The following SESTD1 variants were observed in gnomAD, a reference collection of about 807,000 sequenced individuals.
The protein encoded by SESTD1 is SEC14 and spectrin domain containing 1.
Under a neutral mutation model 101.7 loss-of-function variants are expected in SESTD1, and 43 were observed. The observed-to-expected ratio is 0.42, with a 90% CI of 0.33 to 0.55. SESTD1 has a LOEUF of 0.55. Ranked by LOEUF, SESTD1 falls within the 20% of genes least tolerant of loss-of-function variation. SESTD1 has a pLI of 0.07. For synonymous variants in SESTD1, 283 were observed against 286.8 expected (o/e 0.99, Z 0.13); for missense variants, 647 against 815.1 (o/e 0.79, Z 2.51).
intron 10 of SESTD1, among the ~76,000 whole-genome samples, chr2:179,131,765 T>A (rs1228807113): frequency 6.6e-6 from 1 of 152,202 alleles, no homozygotes; most frequent in Non-Finnish European, 1.5e-5. Context: ...AAGAATCTAT[T>A]TATTTCCCAA....
rs866805748 is a variant in SESTD1 at position 179,113,161 on chromosome 2, A to G, written c.1840-316T>C. ...GACTACTATTTGGAAAATAAGTTCAATCTGTCCTTAAGAAGTATTCTTTCA... is the reference window on the plus strand; with the variant it reads ...GACTACTATTTGGAAAATAAGTTCAGTCTGTCCTTAAGAAGTATTCTTTCA... On this transcript the variant is annotated intron_variant, in intron 16 of 17. Coordinates refer to ENST00000428443, the MANE Select transcript of SESTD1 (RefSeq NM_178123.5). 2.6e-5 allele frequency among the ~76,000 whole-genome samples: 4 copies of G among 152,236 alleles called. No individual in the cohort carries two copies. The South Asian group carries it at 8.3e-4, about 31-fold the overall frequency.
At chr2:179,152,179 C>G (rs140801426) in intron 5 of SESTD1, among the ~76,000 whole-genome samples, 119 of 152,156 alleles carry the variant, frequency 7.8e-4, no homozygotes, top group Middle Eastern at 3.4e-3. Context: ...ATGTGTCTGG[C>G]TGGAAAGAGC....
chr2:179,178,260 A>G (rs2046045936), intron 3 of SESTD1, among the ~76,000 whole-genome samples: 1 of 152,226 alleles, frequency 6.6e-6, no homozygotes, highest in Admixed American at 6.5e-5. Flanking sequence ...TAAAGGATCC[A>G]CTAAATATTC....
rs1385986661 is a variant in SESTD1 at position 179,200,795 on chromosome 2, A to G, written c.-25-8929T>C. On this transcript the variant is annotated intron_variant, in intron 1 of 17. Transcript: ENST00000428443. ...TTCAAGATGGATTAAAGACTTAAAC[A>G]TTAGACTGAAAACCATAAAAACCCT... Among the ~76,000 whole-genome samples the G allele has an allele frequency of 1.5e-5, 2 of 134,958 alleles. 1 individual carries two copies. 88.5% of individuals were successfully genotyped at this position (134,958 alleles called of 152,430 possible).
intron 11 of SESTD1, 40 bp downstream of exon 11, chr2:179,124,324 A>G: frequency 1.3e-6 from 2 of 1,573,776 alleles, no homozygotes; most frequent in Non-Finnish European, 1.7e-6. Context: ...AAGTGTTCAG[A>G]TAATTTGAAG....
At chr2:179,220,540 C>T (rs116264380) in intron 1 of SESTD1, among the ~76,000 whole-genome samples, 5 of 152,242 alleles carry the variant, frequency 3.3e-5, no homozygotes, top group African/African-American at 1.2e-4. Flanking sequence ...GAGCTCTCTA[C>T]CTGTACATTT....
In SESTD1 at chr2:179,116,805, A is replaced by C; in HGVS notation, c.1525-15T>G. ...CATTCTACTGCCTAAACAAAAAGACATAACAATGAAGCTGGATTCAGAACT... is the reference window on the plus strand; with the variant it reads ...CATTCTACTGCCTAAACAAAAAGACCTAACAATGAAGCTGGATTCAGAACT... On this transcript the variant is annotated splice_polypyrimidine_tract_variant and intron_variant, in intron 14 of 17. Coordinates refer to ENST00000428443, the MANE Select transcript of SESTD1 (RefSeq NM_178123.5). 1.2e-6 allele frequency: 2 copies of C among 1,610,388 alleles called. No homozygotes were observed. Among genetic ancestry groups the C allele is most frequent in the Non-Finnish European group, 1.7e-6 (2 of 1,177,322 alleles).
At chr2:179,112,976 T>C in intron 16 of SESTD1, 131 bp from the exon 17 acceptor site, 1 of 1,270,050 alleles carries the variant, frequency 7.9e-7, no homozygotes. Context: ...CATACAAATT[T>C]GGTAGATTAA....
At chr2:179,123,875 T>C (rs1559100552) in intron 11 of SESTD1, 46 bp from the exon 12 acceptor site, 2 of 1,393,524 alleles carry the variant, frequency 1.4e-6, no homozygotes, top group Middle Eastern at 1.8e-4. Context: ...GTAATCAGCA[T>C]CTAAAGTGTT....
At chr2:179,241,768 A>C (rs1277862093) in intron 1 of SESTD1, among the ~76,000 whole-genome samples, 1 of 152,040 alleles carries the variant, frequency 6.6e-6, no homozygotes, top group African/African-American at 2.4e-5. Context: ...TAAAAATACA[A>C]AAAATTAGTC....
intron 5 of SESTD1, among the ~76,000 whole-genome samples, chr2:179,165,992 C>A (rs970071573): frequency 6.6e-6 from 1 of 152,160 alleles, no homozygotes; most frequent in African/African-American, 2.4e-5. Context: ...AACCAATTAA[C>A]CTGGAATCTA....
intron 2 of SESTD1, among the ~76,000 whole-genome samples, chr2:179,187,963 T>C (rs942315586): frequency 1.1e-4 from 16 of 152,130 alleles, no homozygotes; most frequent in African/African-American, 3.9e-4. Flanking sequence ...ACAAGATGAA[T>C]TAGACAGCCA....
intron 10 of SESTD1, among the ~76,000 whole-genome samples, chr2:179,125,621 A>G (rs371186841): frequency 1.3e-5 from 2 of 152,222 alleles, no homozygotes; most frequent in African/African-American, 4.8e-5. Context: ...CATCATGCTT[A>G]TAAACTACAA....
chr2:179,105,593 G>C lies in SESTD1; in HGVS notation c.*4306C>G, dbSNP rs2044364655. ...ATATGCCATTTCCTCACCATCCCAT[G>C]CTTGTCATGTGAGACAACAGAAAGG... is the stretch of plus-strand genomic sequence containing the variant. On this transcript the variant is annotated 3_prime_UTR_variant, in exon 18 of 18. Transcript: ENST00000428443. 1 of 152,108 alleles carries C rather than the reference G, an allele frequency of 6.6e-6. No individual in the cohort carries two copies. The highest frequency in any genetic ancestry group is 1.5e-5 in the Non-Finnish European group (1 of 68,006). 9.4% of individuals were successfully genotyped at this position (152,108 alleles called of 1,614,324 possible).
chr2:179,214,678 A>G lies in SESTD1; in HGVS notation c.-25-22812T>C, dbSNP rs554323111. Among the ~76,000 whole-genome samples, 2 of 135,384 alleles carry G rather than the reference A, an allele frequency of 1.5e-5. 1 individual carries two copies. The highest frequency in any genetic ancestry group is 5.8e-5 in the African/African-American group (2 of 34,292). 88.8% of individuals were successfully genotyped at this position (135,384 alleles called of 152,430 possible). ...AGAACTCTCCATCCCAAATCAACAG[A>G]ACACACATTCTTCTCAGCACCACAT... On this transcript the variant is annotated intron_variant, in intron 1 of 17. Coordinates refer to ENST00000428443, the MANE Select transcript of SESTD1 (RefSeq NM_178123.5).
rs756966014 is a variant in SESTD1, at chr2:179,149,358, A to C, written c.520T>G (p.Leu174Val). 1 of 1,608,508 alleles carries C rather than the reference A, an allele frequency of 6.2e-7. No individual in the cohort carries two copies. Among genetic ancestry groups the C allele is most frequent in the Non-Finnish European group, 8.5e-7 (1 of 1,178,616 alleles). ...TTGTTAATCAAAGCAAGTTCATCTA[A>C]TAATGATGTAGATTCCTTTGTAAAC... ...EKFTKESTSL[L>V]DELALINNGS... Residue 174 changes from leucine to valine, a missense_variant, in exon 7 of 18, where the codon TTA becomes GTA. Physicochemically the swap from Leu to Val is conservative, Grantham distance 32. Around this residue, in one of 3 missense-constraint regions of SESTD1, gnomAD observed 168 missense variants for 235.1 expected, o/e 0.71. Coordinates refer to ENST00000428443, the MANE Select transcript of SESTD1 (RefSeq NM_178123.5).
intron 1 of SESTD1, among the ~76,000 whole-genome samples, chr2:179,254,191 G>T (rs565553160): frequency 6.6e-6 from 1 of 152,168 alleles, no homozygotes; most frequent in Admixed American, 6.5e-5. Flanking sequence ...TAAAAAGGAT[G>T]ACCAGGAACT....
chr2:179,146,515 A>C (rs2045399064), intron 7 of SESTD1, 58 bp from the exon 8 acceptor site: 1 of 1,450,530 alleles, frequency 6.9e-7, no homozygotes, highest in Non-Finnish European at 9.5e-7. Context: ...TGTAACTTTA[A>C]AAATTCCTTT....
chr2:179,225,703 C>A (rs1183209713), intron 1 of SESTD1, among the ~76,000 whole-genome samples: 1 of 151,924 alleles, frequency 6.6e-6, no homozygotes, highest in Non-Finnish European at 1.5e-5. Context: ...GATGGGAGGG[C>A]AAAAAGGGTG....
Sources: allele counts gnomAD v4.1 joint callset (sites outside exome capture counted in the v4.1 genomes callset), GRCh38; gene constraint gnomAD v4.1.1; regional missense constraint gnomAD v4.1.1; transcripts MANE v1.5; gene names NCBI Gene and HGNC (gene_info 2026-07-23, HGNC 2026-07-21).